Variants in ZNF423 observed in about 807,000 individuals in gnomAD.
ZNF423 encodes zinc finger protein 423, also known as Ebf-associated zinc finger protein.
Under a neutral mutation model 95.8 loss-of-function variants are expected in ZNF423, and 12 were observed. The ratio of observed to expected loss-of-function variants is 0.13; its 90% CI spans 0.08 to 0.20. The LOEUF (loss-of-function observed/expected upper bound fraction) is 0.20, where lower values mean the gene tolerates loss of function less well. ZNF423 is among the 10% of genes least tolerant of loss of function. ZNF423 has a pLI of 1.00. For synonymous variants in ZNF423, 749 were observed against 711.9 expected (o/e 1.05, Z -0.83); for missense variants, 1,316 against 1,737.1 (o/e 0.76, Z 4.31).
chr16:49,783,098 A>G (rs547984533), intron 2 of ZNF423, among the ~76,000 whole-genome samples: 1 of 150,308 alleles, frequency 6.7e-6, no homozygotes, highest in East Asian at 1.9e-4. Flanking sequence ...ATCACGCATG[A>G]TGTTTCTGGT....
At chr16:49,813,562 C>T (rs1427068136) in intron 1 of ZNF423, among the ~76,000 whole-genome samples, 2 of 152,176 alleles carry the variant, frequency 1.3e-5, no homozygotes, top group East Asian at 3.9e-4. Flanking sequence ...ACGCAGGAGA[C>T]ACGGGAGGTG....
At chr16:49,760,983 TACGCACAC>T (rs1343472231) in intron 2 of ZNF423, among the ~76,000 whole-genome samples, 2 of 151,242 alleles carry the variant, frequency 1.3e-5, no homozygotes, top group South Asian at 2.1e-4. Context: ...CATATGCATA[TACGCACAC>T]ACGCACACAT....
chr16:49,515,432 T>C (rs1276755819), intron 7 of ZNF423, among the ~76,000 whole-genome samples: 1 of 152,394 alleles, frequency 6.6e-6, no homozygotes, highest in Middle Eastern at 3.4e-3. Context: ...TTATTTAAAC[T>C]TTGGAGGGTT....
chr16:49,498,716 G>A (rs1022197443), intron 7 of ZNF423, among the ~76,000 whole-genome samples: 1 of 152,310 alleles, frequency 6.6e-6, no homozygotes, highest in Non-Finnish European at 1.5e-5. Context: ...CCTTTGGGAA[G>A]GGTATAGATA....
chr16:49,822,709 G>T, intron 1 of ZNF423: 1 of 1,610,486 alleles, frequency 6.2e-7, no homozygotes, highest in Non-Finnish European at 8.5e-7. Flanking sequence ...CTTTTACAGG[G>T]TAAAATCCAT....
intron 1 of ZNF423, among the ~76,000 whole-genome samples, chr16:49,815,870 CAAAA>C (rs1168729871): frequency 4.8e-3 from 190 of 39,422 alleles, no homozygotes; most frequent in East Asian, 0.013. Context: ...TCCAAACAAA[CAAAA>C]AAAAAAAATA....
rs567424664 is a variant in ZNF423 at position 49,515,841 on chromosome 16, G to A, written c.3849+7783C>T. On this transcript the variant is annotated intron_variant, in intron 7 of 7. Transcript: ENST00000563137. ...GCACCATCCGTGCCCAGTGTCTGTG[G>A]GCACAGAGGTGCCCATGGGGATGCA... 9.2e-5 allele frequency among the ~76,000 whole-genome samples: 14 copies of A among 152,318 alleles called. No individual in the cohort carries two copies. In the East Asian group the frequency reaches 1.7e-3, roughly 19 times the overall value.
In ZNF423 at chr16:49,638,399, C is replaced by T; in HGVS notation, c.777G>A (p.Leu259=). 2 of 1,613,958 alleles carry T rather than the reference C, an allele frequency of 1.2e-6. No individual in the cohort carries two copies. Among genetic ancestry groups the T allele is most frequent in the South Asian group, 1.1e-5 (1 of 91,076 alleles). Residue 259 remains leucine (L), a synonymous_variant, in exon 4 of 8, where the codon CTG becomes CTA. Coordinates refer to ENST00000563137, the MANE Select transcript of ZNF423 (RefSeq NM_001379286.1). The surrounding 1 kb of genome is among the most constrained non-coding windows in gnomAD (Gnocchi z 5.6). ...TCTTGGCTTCCTTCTCCGACTTGGC[C>T]AGATGCTCCTTGTTCTTTTTGTGGG... ...MQAHKKNKEH[L]AKSEKEAKKD... is the part of the protein sequence containing the mutation.
intron 2 of ZNF423, among the ~76,000 whole-genome samples, chr16:49,767,222 C>T (rs369393610): frequency 7.2e-5 from 11 of 152,114 alleles, no homozygotes; most frequent in Admixed American, 2.0e-4. Flanking sequence ...TCCCAAAGTG[C>T]GGGGCTTACA....
At chr16:49,495,607 C>G (rs572028048) in intron 7 of ZNF423, among the ~76,000 whole-genome samples, 51 of 152,282 alleles carry the variant, frequency 3.3e-4, no homozygotes, top group Non-Finnish European at 6.3e-4. Flanking sequence ...GATCCTGAAC[C>G]CAATCCAGGG....
rs2032284649 is a variant in ZNF423 at position 49,704,320 on chromosome 16, A to T, written c.301+26451T>A. Among the ~76,000 whole-genome samples, 5 of 152,284 alleles carry T rather than the reference A, an allele frequency of 3.3e-5. No homozygotes were observed. The South Asian group carries it at 1.0e-3, about 32-fold the overall frequency. On this transcript the variant is annotated intron_variant, in intron 3 of 7. Coordinates refer to ENST00000563137, the MANE Select transcript of ZNF423 (RefSeq NM_001379286.1). ...TAAGCATGCCACACCTATAACAGGA[A>T]ATCCAGAGGTGACCTCCCTCCTCTG...
rs2034027987 is a variant in ZNF423 at position 49,771,193 on chromosome 16, T to TTTTTTTTTTTTTTTTTTTTC, written c.100+18293_100+18294insGAAAAAAAAAAAAAAAAAAA. Among the ~76,000 whole-genome samples, 125 of 35,518 alleles carry TTTTTTTTTTTTTTTTTTTTC rather than the reference T, an allele frequency of 3.5e-3. 4 individuals are homozygous for TTTTTTTTTTTTTTTTTTTTC. The highest frequency in any genetic ancestry group is 5.1e-3 in the Non-Finnish European group (104 of 20,476). The allele number at this position is 35,518 out of a possible 152,430, so 23.3% of individuals were successfully genotyped here. A position where few individuals can be genotyped will look rare whatever the true frequency, so the allele number is the denominator to read the frequency against. ...ATCTTGAATTTCTTTTTTTTTTTTC[T>TTTTTTTTTTTTTTTTTTTTC]TTTTTTTTTTTTTTTTTTTGAGAAG... On this transcript the variant is annotated intron_variant, in intron 2 of 7. Transcript: ENST00000563137.
intron 1 of ZNF423, among the ~76,000 whole-genome samples, chr16:49,820,236 A>G (rs572359523): frequency 6.6e-6 from 1 of 152,000 alleles, no homozygotes; most frequent in Non-Finnish European, 1.5e-5. Flanking sequence ...CAGACCCCCT[A>G]CCTCCCTTGA....
rs957932234 is a variant in ZNF423 at position 49,801,758 on chromosome 16, G to C, written c.41-12212C>G. Among the ~76,000 whole-genome samples, 9 of 152,216 alleles carry C rather than the reference G, an allele frequency of 5.9e-5. 1 individual carries two copies. Among genetic ancestry groups the C allele is most frequent in the Admixed American group, 5.2e-4 (8 of 15,286 alleles). On this transcript the variant is annotated intron_variant, in intron 1 of 7. Transcript: ENST00000563137. Reference sequence around the variant, plus strand: ...CTTAAGTTTGAGAACCTATGAGTAAGTACATTTATTAACCCCATTTTACAG... The same window carrying C: ...CTTAAGTTTGAGAACCTATGAGTAACTACATTTATTAACCCCATTTTACAG...
At chr16:49,639,269 CT>C (rs1972885146) in intron 3 of ZNF423, among the ~76,000 whole-genome samples, 1 of 152,216 alleles carries the variant, frequency 6.6e-6, no homozygotes, top group East Asian at 1.9e-4. Context: ...AGTCCTGTCA[CT>C]TGATCCACAC....
intron 5 of ZNF423, among the ~76,000 whole-genome samples, chr16:49,532,482 C>A (rs1209536284): frequency 3.3e-5 from 5 of 152,192 alleles, no homozygotes; most frequent in Non-Finnish European, 7.3e-5. Flanking sequence ...CCAGAAGGGA[C>A]CCATCGTATG....
At chr16:49,765,712 C>T (rs751344074) in intron 2 of ZNF423, among the ~76,000 whole-genome samples, 1 of 151,984 alleles carries the variant, frequency 6.6e-6, no homozygotes, top group Admixed American at 6.6e-5. Flanking sequence ...AGAACGAGAC[C>T]CTACCTTGAA....
rs544598833 is a variant in ZNF423 at position 49,491,925 on chromosome 16, G to A, written c.3850-621C>T. 3.3e-5 allele frequency among the ~76,000 whole-genome samples: 5 copies of A among 152,294 alleles called. No homozygotes were observed. In the East Asian group the frequency reaches 5.8e-4, roughly 18 times the overall value. ...AGGAGCCTCTGCTGCTGGGCTCCGG[G>A]AGCCTGCCTGCTTGGTCACATGGCA... On this transcript the variant is annotated intron_variant, in intron 7 of 7. Coordinates refer to ENST00000563137, the MANE Select transcript of ZNF423 (RefSeq NM_001379286.1).
At chr16:49,819,644 T>C (rs1231863713) in intron 1 of ZNF423, among the ~76,000 whole-genome samples, 1 of 152,150 alleles carries the variant, frequency 6.6e-6, no homozygotes, top group Non-Finnish European at 1.5e-5. Context: ...AGACAGTGTT[T>C]CACCATGTTG....
Sources: allele counts gnomAD v4.1 joint callset (sites outside exome capture counted in the v4.1 genomes callset), GRCh38; gene constraint gnomAD v4.1.1; non-coding constraint Gnocchi (gnomAD v3.1); transcripts MANE v1.5; gene names NCBI Gene and HGNC (gene_info 2026-07-23, HGNC 2026-07-21).